KLHL22: variants seen among roughly 807,000 people sequenced by gnomAD.
KLHL22 encodes the protein kelch like family member 22, also known as kelch-like protein 22.
A neutral mutation model predicts 60.7 loss-of-function variants in KLHL22; 18 were observed. The ratio of observed to expected loss-of-function variants is 0.30; its 90% CI spans 0.20 to 0.44. KLHL22 has a LOEUF of 0.44. Ranked by LOEUF, KLHL22 falls within the 20% of genes least tolerant of loss-of-function variation. The pLI, the probability that KLHL22 is intolerant of heterozygous loss-of-function variation, is 1.00. For missense variants in KLHL22, 596 were observed against 852.3 expected, an observed-to-expected ratio of 0.70 and a Z score of 3.74; for synonymous variants, 355 against 354.5, an observed-to-expected ratio of 1.00 and a Z score of -0.01.
Position 20,471,336 on chromosome 22 carries a change from G to T in KLHL22, c.393+14C>A, listed in dbSNP as rs369506484. ...TGGGTGTGGGTCTGCCTTGCTAGAT[G>T]AGACATGCCTCACCTGAAGCTGGCA... On this transcript the variant is annotated intron_variant, in intron 3 of 6. Transcript: ENST00000328879. The T allele has an allele frequency of 6.2e-7, 1 of 1,611,536 alleles. No individual in the cohort carries two copies. The highest frequency in any genetic ancestry group is 1.3e-5 in the African/African-American group (1 of 74,992).
rs745934590 is a variant in KLHL22 at position 20,465,899 on chromosome 22, T to A, written c.394-323A>T. Among the ~76,000 whole-genome samples the A allele has an allele frequency of 2.0e-5, 3 of 151,612 alleles. No homozygotes were observed. Among genetic ancestry groups the A allele is most frequent in the Admixed American group, 6.6e-5 (1 of 15,208 alleles). On this transcript the variant is annotated intron_variant, in intron 3 of 6. Coordinates refer to ENST00000328879, the MANE Select transcript of KLHL22 (RefSeq NM_032775.4). The surrounding 1 kb of genome is among the most constrained non-coding windows in gnomAD (Gnocchi z 4.9). ...GGCAGAATCTCGGCTCACTAACACC[T>A]CCCCCTCCCGGGTTGAAATGATTCT...
At chr22:20,458,727 C>A (rs1246482275) in intron 4 of KLHL22, among the ~76,000 whole-genome samples, 1 of 152,080 alleles carries the variant, frequency 6.6e-6, no homozygotes, top group African/African-American at 2.4e-5. Flanking sequence ...CTGCACACAG[C>A]ACCCATCATA....
At chr22:20,474,637 C>A (rs1244589180) in intron 2 of KLHL22, among the ~76,000 whole-genome samples, 1 of 152,198 alleles carries the variant, frequency 6.6e-6, no homozygotes, top group Admixed American at 6.5e-5. Flanking sequence ...GGTGATCCAC[C>A]CGCCTCAGCC....
rs564816041 is a variant in KLHL22 at position 20,442,620 on chromosome 22, C to T, written c.1540-182G>A. On this transcript the variant is annotated intron_variant, in intron 6 of 6. Coordinates refer to ENST00000328879, the MANE Select transcript of KLHL22 (RefSeq NM_032775.4). Reference sequence around the variant, plus strand: ...TCCATGGGCCAGGCTGCTGCTTTCTCACCCAGGGATGGCCGAGTCTGCAGG... The same window carrying T: ...TCCATGGGCCAGGCTGCTGCTTTCTTACCCAGGGATGGCCGAGTCTGCAGG... Among the ~76,000 whole-genome samples, 8 of 152,386 alleles carry T rather than the reference C, an allele frequency of 5.2e-5. No homozygotes were observed. The East Asian group carries it at 1.3e-3, about 26-fold the overall frequency.
chr22:20,462,710 T>C (rs2053175288), intron 4 of KLHL22, among the ~76,000 whole-genome samples: 1 of 152,142 alleles, frequency 6.6e-6, no homozygotes. Context: ...AACCAGCTAC[T>C]ACTAGGTATA....
rs2053754510 is a variant in KLHL22, at chr22:20,495,475, C to A, written c.-34+285G>T. ...GCCCGCCCGGGTGCCAGGAGGCCGG[C>A]GCGCCAGCAGCCGCGCTGAGGAGGC... On this transcript the variant is annotated intron_variant, in intron 1 of 6. Coordinates refer to ENST00000328879, the MANE Select transcript of KLHL22 (RefSeq NM_032775.4). The surrounding 1 kb of genome is among the most constrained non-coding windows in gnomAD (Gnocchi z 4.6). Among the ~76,000 whole-genome samples the A allele has an allele frequency of 6.6e-6, 1 of 151,984 alleles. No individual in the cohort carries two copies. The highest frequency in any genetic ancestry group is 6.6e-5 in the Admixed American group (1 of 15,258).
intron 2 of KLHL22, among the ~76,000 whole-genome samples, chr22:20,481,589 A>C (rs547959220): frequency 1.3e-4 from 20 of 151,898 alleles, no homozygotes; most frequent in Non-Finnish European, 2.4e-4. Flanking sequence ...AAAAAAAATT[A>C]AAAAAAAATT....
At chr22:20,461,563 A>C (rs1213627621) in intron 4 of KLHL22, among the ~76,000 whole-genome samples, 1 of 151,352 alleles carries the variant, frequency 6.6e-6, no homozygotes, top group Non-Finnish European at 1.5e-5. Flanking sequence ...AAAAAAAAAA[A>C]AAAAAAAAAA....
intron 2 of KLHL22, among the ~76,000 whole-genome samples, chr22:20,487,081 C>T (rs904631536): frequency 2.0e-5 from 3 of 151,032 alleles, no homozygotes; most frequent in South Asian, 4.2e-4. Context: ...CACCACGCCC[C>T]GCTAGTTTTT....
chr22:20,455,192 T>A (rs2053043960), intron 5 of KLHL22, among the ~76,000 whole-genome samples: 2 of 152,118 alleles, frequency 1.3e-5, no homozygotes, highest in African/African-American at 4.8e-5. Context: ...CAACATGACC[T>A]ATCCTTTTTC....
At chr22:20,458,445 ATTTTTT>A (rs938534970) in intron 4 of KLHL22, among the ~76,000 whole-genome samples, 5 of 90,454 alleles carry the variant, frequency 5.5e-5, no homozygotes, top group African/African-American at 8.6e-5. Context: ...AACGCCCGCT[ATTTTTT>A]TTTTTTTTTT....
chr22:20,453,326 T>C (rs1383027886), intron 5 of KLHL22, among the ~76,000 whole-genome samples: 1 of 152,190 alleles, frequency 6.6e-6, no homozygotes, highest in Non-Finnish European at 1.5e-5. Context: ...CATTTTGGTA[T>C]ATGGTATGAG....
intron 2 of KLHL22, among the ~76,000 whole-genome samples, chr22:20,484,802 T>C (rs1231756020): frequency 1.3e-5 from 2 of 151,078 alleles, no homozygotes; most frequent in African/African-American, 2.4e-5. Context: ...AGTGGCATGA[T>C]CATGGCTCAC....
At chr22:20,458,053 C>T (rs1359573863) in intron 4 of KLHL22, 53 bp from the exon 5 acceptor site, 9 of 1,587,036 alleles carry the variant, frequency 5.7e-6, no homozygotes, top group East Asian at 2.3e-5. Context: ...GAGGCTGCTC[C>T]GCAGGCTTGC....
At chr22:20,468,880 T>A (rs1421036421) in intron 3 of KLHL22, among the ~76,000 whole-genome samples, 1 of 152,114 alleles carries the variant, frequency 6.6e-6, no homozygotes. Context: ...GATCTCAAAC[T>A]CCTGGCCTCA....
intron 2 of KLHL22, 105 bp downstream of exon 2, chr22:20,488,880 C>G: frequency 1.9e-6 from 2 of 1,071,602 alleles, no homozygotes; most frequent in Non-Finnish European, 1.4e-6. Flanking sequence ...GTAGGGGAGG[C>G]TCTGAGGTGA....
chr22:20,479,423 C>A (rs901758101), intron 2 of KLHL22, among the ~76,000 whole-genome samples: 3 of 152,092 alleles, frequency 2.0e-5, no homozygotes, highest in African/African-American at 7.2e-5. Flanking sequence ...TATGGTGGTT[C>A]ACATCTATAA....
chr22:20,493,099 A>AC (rs2053716523), intron 1 of KLHL22: 1 of 466,196 alleles, frequency 2.1e-6, no homozygotes, highest in Non-Finnish European at 4.4e-6. Context: ...TCTGAGGGTG[A>AC]CCTCCACAAC....
Position 20,465,427 on chromosome 22 carries a change from G to A in KLHL22, c.543C>T (p.Ala181=). The A allele has an allele frequency of 1.2e-6, 2 of 1,614,176 alleles. No individual in the cohort carries two copies. Among genetic ancestry groups the A allele is most frequent in the Admixed American group, 1.7e-5 (1 of 60,018 alleles). ...LDTYILKNFV[A]FSRTDKYRQL... is the part of the protein sequence containing the mutation. ...GGCGGTACTTGTCAGTCCGAGAGAA[G>A]GCCACAAAGTTTTTGAGGATATAGG... is the stretch of plus-strand genomic sequence containing the variant. Residue 181 remains alanine, a synonymous_variant, in exon 4 of 7, where the codon GCC becomes GCT. Transcript: ENST00000328879. The surrounding 1 kb of genome is among the most constrained non-coding windows in gnomAD (Gnocchi z 4.9).
Sources: gnomAD v4.1 joint callset for allele counts (sites outside exome capture counted in the v4.1 genomes callset) on GRCh38, gnomAD v4.1.1 for gene constraint, Gnocchi (gnomAD v3.1) non-coding constraint, MANE v1.5 for transcripts, NCBI Gene and HGNC (gene_info 2026-07-23, HGNC 2026-07-21) for gene names.